TMEM273: variants seen among roughly 807,000 people sequenced by gnomAD.
TMEM273 encodes transmembrane protein 273.
TMEM273 carries 19 observed loss-of-function variants against 17.9 expected under a neutral mutation model. The observed-to-expected ratio is 1.06, with a 90% confidence interval of 0.74 to 1.55. TMEM273 has a LOEUF of 1.55. Among genes scored for constraint, TMEM273 ranks in the 40% most tolerant of loss-of-function variants. The pLI is 0.00. For synonymous variants in TMEM273, 66 were observed against 62.0 expected, an observed-to-expected ratio of 1.07 and a Z score of -0.31; for missense variants, 194 against 155.6, an observed-to-expected ratio of 1.25 and a Z score of -1.31.
chr10:49,163,062 A>G (rs1845942692), intron 5 of TMEM273, among the ~76,000 whole-genome samples: 1 of 151,858 alleles, frequency 6.6e-6, no homozygotes, highest in Non-Finnish European at 1.5e-5. Flanking sequence ...ACTTAGGAGA[A>G]CCTGTGATTG....
chr10:49,160,010 G>A (rs945972068), intron 6 of TMEM273, among the ~76,000 whole-genome samples: 2 of 152,150 alleles, frequency 1.3e-5, no homozygotes, highest in Admixed American at 6.5e-5. Context: ...GAAGGAGAAA[G>A]GGGAGATAGA....
chr10:49,159,674 G>T (rs973985547), intron 6 of TMEM273, among the ~76,000 whole-genome samples: 3 of 152,044 alleles, frequency 2.0e-5, no homozygotes, highest in African/African-American at 7.3e-5. Flanking sequence ...TTCTAAAAAT[G>T]ATTCCACAGT....
chr10:49,181,828 AAG>A (rs1491172116), intron 1 of TMEM273, among the ~76,000 whole-genome samples: 15 of 135,386 alleles, frequency 1.1e-4, no homozygotes, highest in African/African-American at 1.6e-4. Context: ...CACGAAAAAA[AAG>A]ATTAATAAGT....
chr10:49,173,244 C>A (rs1360879494), intron 1 of TMEM273, among the ~76,000 whole-genome samples: 1 of 152,216 alleles, frequency 6.6e-6, no homozygotes, highest in Admixed American at 6.5e-5. Flanking sequence ...GAAATAGCTT[C>A]TTTTTCTTAC....
At chr10:49,159,751 G>GAGAGAA (rs1845727285) in intron 6 of TMEM273, among the ~76,000 whole-genome samples, 2 of 149,046 alleles carry the variant, frequency 1.3e-5, no homozygotes, top group South Asian at 4.3e-4. Context: ...GACAGAGAGA[G>GAGAGAA]AAACAGGGAC....
intron 5 of TMEM273, among the ~76,000 whole-genome samples, 181 bp downstream of exon 5, chr10:49,165,024 C>T (rs1846079419): frequency 6.6e-6 from 1 of 152,132 alleles, no homozygotes; most frequent in Non-Finnish European, 1.5e-5. Context: ...GTGCTAAGTG[C>T]TGTGCTACAG....
chr10:49,179,774 T>C (rs1188515184), intron 1 of TMEM273, among the ~76,000 whole-genome samples: 1 of 152,094 alleles, frequency 6.6e-6, no homozygotes, highest in Non-Finnish European at 1.5e-5. Context: ...GTAATGCCAA[T>C]GGGCACAAAC....
chr10:49,177,016 G>T (rs550039539), intron 1 of TMEM273, among the ~76,000 whole-genome samples: 2 of 152,206 alleles, frequency 1.3e-5, no homozygotes, highest in Admixed American at 6.5e-5. Flanking sequence ...CCTTCCAGAG[G>T]GGGAGGTGCA....
intron 1 of TMEM273, among the ~76,000 whole-genome samples, chr10:49,176,482 G>C (rs992468526): frequency 1.4e-5 from 2 of 142,238 alleles, no homozygotes; most frequent in African/African-American, 2.6e-5. Context: ...CTTGCAGAGA[G>C]AGCAGGGGAG....
At chr10:49,164,884 C>G (rs1384627845) in intron 5 of TMEM273, among the ~76,000 whole-genome samples, 1 of 152,056 alleles carries the variant, frequency 6.6e-6, no homozygotes, top group African/African-American at 2.4e-5. Flanking sequence ...CTGCCTGTCT[C>G]CCCTGTAGAC....
intron 1 of TMEM273, among the ~76,000 whole-genome samples, chr10:49,186,935 G>A (rs538003727): frequency 2.6e-5 from 4 of 152,286 alleles, no homozygotes; most frequent in East Asian, 1.9e-4. Flanking sequence ...TAAAAAATGC[G>A]AGGAGGTGTT....
intron 1 of TMEM273, among the ~76,000 whole-genome samples, chr10:49,169,502 T>A (rs1342375939): frequency 6.6e-6 from 1 of 152,190 alleles, no homozygotes; most frequent in African/African-American, 2.4e-5. Flanking sequence ...CTGGTAAAGA[T>A]TCCCCAAGCT....
At chr10:49,188,182 G>T in intron 1 of TMEM273, 112 bp downstream of exon 1, 1 of 1,209,142 alleles carries the variant, frequency 8.3e-7, no homozygotes, top group Non-Finnish European at 1.2e-6. Flanking sequence ...CATCATCTGT[G>T]TAAAGGGACA....
At chr10:49,186,168 G>A (rs941345712) in intron 1 of TMEM273, among the ~76,000 whole-genome samples, 3 of 151,748 alleles carry the variant, frequency 2.0e-5, no homozygotes, top group Non-Finnish European at 2.9e-5. Context: ...ATATTACTAC[G>A]GAACTCTAAC....
chr10:49,182,106 TCTG>T (rs1216930727), intron 1 of TMEM273, among the ~76,000 whole-genome samples: 2 of 152,238 alleles, frequency 1.3e-5, no homozygotes, highest in Non-Finnish European at 2.9e-5. Flanking sequence ...TCCTTGACCT[TCTG>T]CTGACTTGCA....
intron 1 of TMEM273, among the ~76,000 whole-genome samples, chr10:49,186,356 A>G (rs867325677): frequency 6.6e-6 from 1 of 152,170 alleles, no homozygotes; most frequent in Non-Finnish European, 1.5e-5. Context: ...GTTGAATAAT[A>G]CCCTGTGAAA....
chr10:49,165,808 A>C lies in TMEM273; in HGVS notation c.239-12T>G. On this transcript the variant is annotated splice_polypyrimidine_tract_variant and intron_variant, in intron 3 of 6. Coordinates refer to ENST00000374153, the MANE Select transcript of TMEM273 (RefSeq NM_001288740.3). ...TAGCGGGATGGTGTCTAAACAGAGA[A>C]AGCCGGGCATTAGGAAGGGGGTCGT... The C allele has an allele frequency of 6.2e-7, 1 of 1,614,150 alleles. No individual in the cohort carries two copies.
chr10:49,172,809 T>C lies in TMEM273; in HGVS notation c.44-4847A>G, dbSNP rs144209314. Among the ~76,000 whole-genome samples, 340 of 152,318 alleles carry C rather than the reference T, an allele frequency of 2.2e-3. 3 individuals carry two copies. The highest frequency in any genetic ancestry group is 0.012 in the South Asian group (58 of 4,828). On this transcript the variant is annotated intron_variant, in intron 1 of 6. Transcript: ENST00000374153. ...TTCTACAAGCAAGCACACCACCACC[T>C]GAGACGGGCATCTGCCAATTTCTAG...
At chr10:49,177,382 G>A (rs1017090180) in intron 1 of TMEM273, among the ~76,000 whole-genome samples, 2 of 152,204 alleles carry the variant, frequency 1.3e-5, no homozygotes, top group Non-Finnish European at 2.9e-5. Flanking sequence ...CTAAGCCATT[G>A]CACACAAACC....
Sources: allele counts gnomAD v4.1 joint callset (sites outside exome capture counted in the v4.1 genomes callset), GRCh38; gene constraint gnomAD v4.1.1; transcripts MANE v1.5; gene names NCBI Gene and HGNC (gene_info 2026-07-23, HGNC 2026-07-21).